The following SLC7A11 variants were observed in gnomAD, a reference collection of about 807,000 sequenced individuals.
The protein encoded by SLC7A11 is cystine/glutamate transporter.
In SLC7A11, 35 loss-of-function variants were observed where a neutral mutation model predicts 54.5. The observed-to-expected ratio is 0.64, with a 90% confidence interval of 0.49 to 0.85. SLC7A11 has a LOEUF of 0.85. Among genes scored for constraint, SLC7A11 ranks in the 40% least tolerant of loss-of-function variants. The pLI, the probability that SLC7A11 is intolerant of heterozygous loss-of-function variation, is 0.00. For missense variants in SLC7A11, 583 were observed against 618.1 expected (o/e 0.94, Z 0.60); for synonymous variants, 230 against 225.2 (o/e 1.02, Z -0.19).
At chr4:138,187,370 T>A (rs1320743114) in intron 6 of SLC7A11, among the ~76,000 whole-genome samples, 1 of 152,176 alleles carries the variant, frequency 6.6e-6, no homozygotes, top group Non-Finnish European at 1.5e-5. Flanking sequence ...TTTACATACG[T>A]GTCTCCTTTT....
At chr4:138,173,118 C>T (rs1736477897) in intron 11 of SLC7A11, among the ~76,000 whole-genome samples, 1 of 152,112 alleles carries the variant, frequency 6.6e-6, no homozygotes, top group Non-Finnish European at 1.5e-5. Context: ...GCTGGGATTA[C>T]AGGTGTGAGC....
rs937460623 is a variant in SLC7A11, at chr4:138,168,061, T to C, written c.*3895A>G. On this transcript the variant is annotated 3_prime_UTR_variant, in exon 12 of 12. Transcript: ENST00000280612. ...AAAACATATCCTCCATACTTATTTC[T>C]AACAGAAAAAAATAACAGGAATTAT... The C allele has an allele frequency of 6.6e-6, 1 of 152,184 alleles. No individual in the cohort carries two copies. The highest frequency in any genetic ancestry group is 2.4e-5 in the African/African-American group (1 of 41,458). 9.4% of individuals were successfully genotyped at this position (152,184 alleles called of 1,614,324 possible).
At position 138,170,230 on chromosome 4, in the gene SLC7A11, A is replaced by ATATATATATAT. The variant is rs1266957020; in HGVS notation, c.*1725_*1726insATATATATATA. ...CTATATATATATATATATATATATA[A>ATATATATATAT]AAAGTGTGTGTGTGTGTGTGTATAT... is the stretch of plus-strand genomic sequence containing the variant. On this transcript the variant is annotated 3_prime_UTR_variant, in exon 12 of 12. Coordinates refer to ENST00000280612, the MANE Select transcript of SLC7A11 (RefSeq NM_014331.4). The ATATATATATAT allele has an allele frequency of 1.0e-5, 1 of 98,272 alleles. No individual in the cohort carries two copies. The highest frequency in any genetic ancestry group is 2.0e-5 in the Non-Finnish European group (1 of 49,772). 6.1% of individuals were successfully genotyped at this position (98,272 alleles called of 1,614,324 possible).
Position 138,179,408 on chromosome 4 carries a change from C to G in SLC7A11, c.1267-14G>C. 6.2e-7 allele frequency: 1 copy of G among 1,607,352 alleles called. No individual in the cohort carries two copies. Among genetic ancestry groups the G allele is most frequent in the Non-Finnish European group, 8.5e-7 (1 of 1,176,946 alleles). ...GAACAGTGGCACCTGGAACACAGAA[C>G]ACAAAAAAGTCACTTCAAACATGTT... is the stretch of plus-strand genomic sequence containing the variant. On this transcript the variant is annotated splice_polypyrimidine_tract_variant and intron_variant, in intron 10 of 11. Coordinates refer to ENST00000280612, the MANE Select transcript of SLC7A11 (RefSeq NM_014331.4).
In SLC7A11 at chr4:138,169,640, A is replaced by G. The variant is rs570447846; in HGVS notation, c.*2316T>C. 6.6e-6 allele frequency: 1 copy of G among 152,192 alleles called. No homozygotes were observed. The highest frequency in any genetic ancestry group is 1.9e-4 in the East Asian group (1 of 5,170). The allele number at this position is 152,192 out of a possible 1,614,324, so 9.4% of individuals were successfully genotyped here. A position where few individuals can be genotyped will look rare whatever the true frequency, so the allele number is the denominator to read the frequency against. ...AGCCAAGAACTACACAAACCTCTCT[A>G]TGAGAATTTACCAGTCTTCTTTCAT... On this transcript the variant is annotated 3_prime_UTR_variant, in exon 12 of 12. Transcript: ENST00000280612.
At chr4:138,178,444 C>A (rs573596526) in intron 11 of SLC7A11, among the ~76,000 whole-genome samples, 3 of 152,010 alleles carry the variant, frequency 2.0e-5, no homozygotes, top group African/African-American at 7.2e-5. Flanking sequence ...AATAAACATA[C>A]GTGTGCATGT....
At chr4:138,217,354 A>G (rs1430605250) in intron 5 of SLC7A11, among the ~76,000 whole-genome samples, 1 of 152,236 alleles carries the variant, frequency 6.6e-6, no homozygotes, top group Non-Finnish European at 1.5e-5. Context: ...ATTAAAAAAG[A>G]TTCATGTAAA....
rs1169641615 is a variant in SLC7A11 at position 138,237,737 on chromosome 4, A to ATTTT, written c.278-1290_278-1287dup. Among the ~76,000 whole-genome samples, 24 of 9,832 alleles carry ATTTT rather than the reference A, an allele frequency of 2.4e-3. 5 individuals are homozygous for ATTTT. The highest frequency in any genetic ancestry group is 5.3e-3 in the Admixed American group (2 of 374). The allele number at this position is 9,832 out of a possible 152,430, so 6.5% of individuals were successfully genotyped here. A position where few individuals can be genotyped will look rare whatever the true frequency, so the allele number is the denominator to read the frequency against. On this transcript the variant is annotated intron_variant, in intron 1 of 11. Transcript: ENST00000280612. ...TATATATATATATATATATATATAT[A>ATTTT]TTTTTTTTTTTTTTTTTTTTTTTTT...
In SLC7A11 at chr4:138,179,307, T is replaced by C. The variant is rs533470635; in HGVS notation, c.1354A>G (p.Ile452Val). Residue 452 changes from isoleucine to valine, a missense_variant, in exon 11 of 12, where the codon ATT becomes GTT. Physicochemically the swap from Ile to Val is conservative, Grantham distance 29 (BLOSUM62 3). Transcript: ENST00000280612. ...SLYSDPFSTG[I>V]GFVITLTGVP... ...CCAGTCAGAGTGATGACGAAGCCAA[T>C]CCCTGTACTAAATGGGTCCGAATAG... 24 of 1,612,652 alleles carry C rather than the reference T, an allele frequency of 1.5e-5. No individual in the cohort carries two copies. The East Asian group carries it at 1.8e-4, about 12-fold the overall frequency.
intron 5 of SLC7A11, among the ~76,000 whole-genome samples, chr4:138,218,248 T>C (rs1435418448): frequency 1.3e-5 from 2 of 152,222 alleles, no homozygotes; most frequent in Non-Finnish European, 2.9e-5. Flanking sequence ...GTGTTGGAAA[T>C]GCATTCATAT....
intron 5 of SLC7A11, among the ~76,000 whole-genome samples, chr4:138,217,176 C>T (rs750565969): frequency 1.1e-4 from 16 of 152,234 alleles, no homozygotes; most frequent in Non-Finnish European, 1.9e-4. Flanking sequence ...TATAGAAACA[C>T]GGTTACTTAT....
intron 5 of SLC7A11, among the ~76,000 whole-genome samples, chr4:138,217,780 G>A (rs1737714714): frequency 6.6e-6 from 1 of 152,198 alleles, no homozygotes; most frequent in African/African-American, 2.4e-5. Context: ...GACCCTCCCA[G>A]TAGCTTGGCT....
intron 9 of SLC7A11, among the ~76,000 whole-genome samples, 156 bp downstream of exon 9, chr4:138,182,141 G>A (rs1481217189): frequency 6.6e-6 from 1 of 152,072 alleles, no homozygotes; most frequent in Non-Finnish European, 1.5e-5. Flanking sequence ...TGGAGTAAAG[G>A]GAAGAGATGG....
At chr4:138,226,481 T>C (rs1041682313) in intron 3 of SLC7A11, among the ~76,000 whole-genome samples, 1 of 152,156 alleles carries the variant, frequency 6.6e-6, no homozygotes, top group Non-Finnish European at 1.5e-5. Flanking sequence ...CATCCAGACA[T>C]TGTACTCATT....
At chr4:138,237,125 A>G (rs1036584410) in intron 1 of SLC7A11, among the ~76,000 whole-genome samples, 2 of 150,474 alleles carry the variant, frequency 1.3e-5, no homozygotes, top group African/African-American at 4.9e-5. Context: ...AGCTGGGACT[A>G]CAGGCGCCCG....
chr4:138,164,518 C>G lies in SLC7A11; in HGVS notation c.*7438G>C, dbSNP rs1027888671. ...GAACCCTAAGAAACAACGCAATCCA[C>G]AGATGAAAGTCTCTCTGCACCATTT... On this transcript the variant is annotated 3_prime_UTR_variant, in exon 12 of 12. Coordinates refer to ENST00000280612, the MANE Select transcript of SLC7A11 (RefSeq NM_014331.4). The G allele has an allele frequency of 2.0e-5, 3 of 152,154 alleles. No homozygotes were observed. Among genetic ancestry groups the G allele is most frequent in the Non-Finnish European group, 4.4e-5 (3 of 67,998 alleles). The allele number at this position is 152,154 out of a possible 1,614,324, so 9.4% of individuals were successfully genotyped here. A position where few individuals can be genotyped will look rare whatever the true frequency, so the allele number is the denominator to read the frequency against.
chr4:138,192,279 G>C (rs1737030524), intron 6 of SLC7A11, among the ~76,000 whole-genome samples: 1 of 152,096 alleles, frequency 6.6e-6, no homozygotes, highest in Admixed American at 6.6e-5. Context: ...CTTGCAAACA[G>C]AATGTGAGTA....
In SLC7A11 at chr4:138,165,098, CAT is replaced by C. The variant is rs941523950; in HGVS notation, c.*6856_*6857del. 51 of 152,606 alleles carry C rather than the reference CAT, an allele frequency of 3.3e-4. 1 individual carries two copies. Among genetic ancestry groups the C allele is most frequent in the African/African-American group, 1.2e-3 (49 of 41,526 alleles). The allele number at this position is 152,606 out of a possible 1,614,324, so 9.5% of individuals were successfully genotyped here. A position where few individuals can be genotyped will look rare whatever the true frequency, so the allele number is the denominator to read the frequency against. On this transcript the variant is annotated 3_prime_UTR_variant, in exon 12 of 12. Coordinates refer to ENST00000280612, the MANE Select transcript of SLC7A11 (RefSeq NM_014331.4). ...ATGTTAACATAAACATAACAACACA[CAT>C]ATTATTTTTCTACCCCTTGGCAACT...
rs1578658629 is a variant in SLC7A11 at position 138,214,711 on chromosome 4, A to T, written c.747-82T>A. ...CTCAAATTTTAAATATTTAACATTGAACCCAGAATTATGAAAACTATAACA... is the reference window on the plus strand; with the variant it reads ...CTCAAATTTTAAATATTTAACATTGTACCCAGAATTATGAAAACTATAACA... On this transcript the variant is annotated intron_variant, in intron 5 of 11. Coordinates refer to ENST00000280612, the MANE Select transcript of SLC7A11 (RefSeq NM_014331.4). The T allele has an allele frequency of 1.5e-5, 7 of 456,502 alleles. No individual in the cohort carries two copies. In the East Asian group the frequency reaches 2.6e-4, roughly 17 times the overall value. The allele number at this position is 456,502 out of a possible 1,614,324, so 28.3% of individuals were successfully genotyped here.
Sources: allele counts gnomAD v4.1 joint callset (sites outside exome capture counted in the v4.1 genomes callset), GRCh38; gene constraint gnomAD v4.1.1; transcripts MANE v1.5; gene names NCBI Gene and HGNC (gene_info 2026-07-23, HGNC 2026-07-21).